SERPINB4: variants seen among roughly 807,000 people sequenced by gnomAD.
SERPINB4 encodes the protein serpin B4.
In SERPINB4, 39 loss-of-function variants were observed where a neutral mutation model predicts 33.2. The ratio of observed to expected loss-of-function variants is 1.18; its 90% CI spans 0.91 to 1.53. SERPINB4 has a LOEUF of 1.53. SERPINB4 is among the 40% of genes most tolerant of loss of function. The pLI is 0.00. For missense variants in SERPINB4, 564 were observed against 455.4 expected, an observed-to-expected ratio of 1.24 and a Z score of -2.17; for synonymous variants, 191 against 166.4, an observed-to-expected ratio of 1.15 and a Z score of -1.14.
rs1913004312 is a variant in SERPINB4, at chr18:63,638,204, A to AT, written c.769-82dup. 2.0e-6 allele frequency: 3 copies of AT among 1,483,780 alleles called. No individual in the cohort carries two copies. The South Asian group carries it at 4.2e-5, about 21-fold the overall frequency. The allele number at this position is 1,483,780 out of a possible 1,614,324, so 91.9% of individuals were successfully genotyped here. A position where few individuals can be genotyped will look rare whatever the true frequency, so the allele number is the denominator to read the frequency against. On this transcript the variant is annotated intron_variant, in intron 7 of 7. Transcript: ENST00000341074. ...TTAACAATGAATTGACTATGTGGAG[A>AT]TTCGTTATTTTGGCAATAAATGTGA...
In SERPINB4 at chr18:63,643,454, G is replaced by A. The variant is rs1262843478; in HGVS notation, c.124C>T (p.Leu42Phe). ...ISITSALGMV[L>F]LGAKDNTAQQ... ...GCAGTGTTGTCTTTGGCTCCTAAGA[G>A]GACCATCCCTAATGCTGATGTGATG... The change falls in exon 2 of 8, where the codon CTC (leucine) becomes TTC (phenylalanine). Residue 42 changes from leucine (L) to phenylalanine (F), a missense_variant. Transcript: ENST00000341074. The A allele has an allele frequency of 1.2e-6, 2 of 1,613,588 alleles. No individual in the cohort carries two copies. The highest frequency in any genetic ancestry group is 1.1e-5 in the South Asian group (1 of 91,070).
rs1430543920 is a variant in SERPINB4, at chr18:63,643,199, C to A, written c.184G>T (p.Val62Phe). Residue 62 changes from valine to phenylalanine, a missense_variant, in exon 3 of 8, where the codon GTC (valine) becomes TTC (phenylalanine). By Grantham distance (50) the Val-to-Phe change is conservative. Coordinates refer to ENST00000341074, the MANE Select transcript of SERPINB4 (RefSeq NM_002974.4). The part of the protein sequence containing the change: ...QISKVLHFDQ[V>F]TENTTEKAAT... ...GCTTTTTCTGTGGTGTTCTCTGTGACTTGATCAAAGTGAAGAACCTGGAAG... is the reference window on the plus strand; with the variant it reads ...GCTTTTTCTGTGGTGTTCTCTGTGAATTGATCAAAGTGAAGAACCTGGAAG... 8.1e-6 allele frequency: 13 copies of A among 1,613,262 alleles called. No homozygotes were observed. The Admixed American group carries it at 2.0e-4, about 25-fold the overall frequency.
chr18:63,642,632 C>T (rs1364122094), intron 3 of SERPINB4, among the ~76,000 whole-genome samples: 1 of 152,006 alleles, frequency 6.6e-6, no homozygotes, highest in East Asian at 1.9e-4. Context: ...AATCATTTTC[C>T]AAAATATACT....
intron 6 of SERPINB4, 55 bp downstream of exon 6, chr18:63,639,579 T>C (rs1913054879): frequency 8.0e-7 from 1 of 1,242,964 alleles, no homozygotes; most frequent in Non-Finnish European, 1.1e-6. Context: ...ATCAGAAATG[T>C]TTAACATTCC....
rs757104006 is a variant in SERPINB4 at position 63,637,677 on chromosome 18, C to A, written c.*42G>T. 1.0e-5 allele frequency: 16 copies of A among 1,552,468 alleles called. No individual in the cohort carries two copies. The highest frequency in any genetic ancestry group is 1.3e-5 in the Non-Finnish European group (15 of 1,149,206). On this transcript the variant is annotated 3_prime_UTR_variant, in exon 8 of 8. Transcript: ENST00000341074. ...CAGCAATCAGTTTACCAGAACACCT[C>A]TAGGTGAACATTTTCTAAATGGAGT...
At position 63,641,871 on chromosome 18, in the gene SERPINB4, A is replaced by G. The variant is rs1568164602; in HGVS notation, c.240T>C (p.Asn80=). ...AATYHVDRSG[N]VHHQFQKLLT... is the part of the protein sequence containing the mutation. ...GAAGCTTTTGAAACTGGTGATGAAC[A>G]TTTCCTGACCTATCAACCTTCAAAC... The change falls in exon 4 of 8, where the codon AAT becomes AAC. Residue 80 remains asparagine (N), a synonymous_variant. Transcript: ENST00000341074. 1.2e-6 allele frequency: 2 copies of G among 1,613,174 alleles called. No individual in the cohort carries two copies. The highest frequency in any genetic ancestry group is 2.7e-5 in the African/African-American group (2 of 74,854).
At chr18:63,643,320 C>G (rs1030859597) in intron 2 of SERPINB4, 93 bp downstream of exon 2, 1 of 1,607,314 alleles carries the variant, frequency 6.2e-7, no homozygotes, top group African/African-American at 1.3e-5. Context: ...CCTGTGCTAC[C>G]CATCAGACCA....
chr18:63,638,540 T>C (rs1913016663), intron 7 of SERPINB4, among the ~76,000 whole-genome samples: 1 of 151,982 alleles, frequency 6.6e-6, no homozygotes, highest in Non-Finnish European at 1.5e-5. Context: ...TTAGTACACA[T>C]TGCAATTATT....
chr18:63,639,332 G>T lies in SERPINB4; in HGVS notation c.621C>A (p.Tyr207Ter). Residue 207 changes from tyrosine (Y) to a stop codon, truncating the protein, a stop_gained, in exon 7 of 8, where the codon TAC becomes TAA. Coordinates refer to ENST00000341074, the MANE Select transcript of SERPINB4 (RefSeq NM_002974.4). LOFTEE classifies it high-confidence loss of function. ...EEKFWPNKNT[Y>*]KSVQMMRQYN... The stretch of plus-strand genomic sequence containing the variant: ...ATTGCCTCATCATCTGTACAGATTT[G>T]TATGTATTCTGCAATAAATCAATGT... The T allele has an allele frequency of 1.2e-6, 2 of 1,603,054 alleles. No homozygotes were observed. Among genetic ancestry groups the T allele is most frequent in the Non-Finnish European group, 1.7e-6 (2 of 1,173,150 alleles).
Position 63,637,569 on chromosome 18 carries a change from T to G in SERPINB4, c.*150A>C. 1.3e-6 allele frequency: 1 copy of G among 778,986 alleles called. No homozygotes were observed. The highest frequency in any genetic ancestry group is 2.0e-6 in the Non-Finnish European group (1 of 495,838). 48.3% of individuals were successfully genotyped at this position (778,986 alleles called of 1,614,324 possible). On this transcript the variant is annotated 3_prime_UTR_variant, in exon 8 of 8. Coordinates refer to ENST00000341074, the MANE Select transcript of SERPINB4 (RefSeq NM_002974.4). ...AGAGAAAGAGAGAAAGGCATGCTAT[T>G]TTAATCATTAAATTCTTGATGATGA...
Position 63,638,014 on chromosome 18 carries a change from T to C in SERPINB4, c.878A>G (p.Tyr293Cys). The change falls in exon 8 of 8, where the codon TAT becomes TGT. Residue 293 changes from tyrosine to cysteine, a missense_variant. By Grantham distance (194) the Tyr-to-Cys change is radical (BLOSUM62 -2). Coordinates refer to ENST00000341074, the MANE Select transcript of SERPINB4 (RefSeq NM_002974.4). ...GGTTCTCAACGTGTCCTTGAGGTCA[T>C]AGCTCTCTTCCATTTTGAACCGAGG... ...HLPRFKMEES[Y>C]DLKDTLRTMG... 4.3e-6 allele frequency: 7 copies of C among 1,613,652 alleles called. No homozygotes were observed. The highest frequency in any genetic ancestry group is 5.1e-6 in the Non-Finnish European group (6 of 1,179,754).
chr18:63,637,988 T>C lies in SERPINB4; in HGVS notation c.904A>G (p.Met302Val), dbSNP rs749636281. 3.1e-6 allele frequency: 5 copies of C among 1,613,670 alleles called. No homozygotes were observed. The South Asian group carries it at 4.4e-5, about 14-fold the overall frequency. ...CCATTGAAGATATTCACCATTCCCATGGTTCTCAACGTGTCCTTGAGGTCA... is the reference window on the plus strand; with the variant it reads ...CCATTGAAGATATTCACCATTCCCACGGTTCTCAACGTGTCCTTGAGGTCA... ...SYDLKDTLRT[M>V]GMVNIFNGDA... Residue 302 changes from methionine (M) to valine (V), a missense_variant, in exon 8 of 8, where the codon ATG (methionine) becomes GTG (valine). Transcript: ENST00000341074.
In SERPINB4 at chr18:63,641,990, T is replaced by A. The variant is rs1486234920; in HGVS notation, c.223-102A>T. 17 of 1,507,460 alleles carry A rather than the reference T, an allele frequency of 1.1e-5. 1 individual carries two copies. Among genetic ancestry groups the A allele is most frequent in the Middle Eastern group, 2.1e-4 (1 of 4,764 alleles). 93.4% of individuals were successfully genotyped at this position (1,507,460 alleles called of 1,614,324 possible). A position where few individuals can be genotyped will look rare whatever the true frequency, so the allele number is the denominator to read the frequency against. The stretch of plus-strand genomic sequence containing the variant: ...CAGTCCCTAAATGCTGGTAGTCTCA[T>A]TGAGGACCTTTGATGTTATTCCCTG... On this transcript the variant is annotated intron_variant, in intron 3 of 7. Transcript: ENST00000341074.
intron 7 of SERPINB4, among the ~76,000 whole-genome samples, chr18:63,638,607 G>T (rs554181090): frequency 9.8e-4 from 149 of 151,664 alleles, no homozygotes; most frequent in Admixed American, 3.5e-3. Flanking sequence ...CGGCCTATTT[G>T]TAAACTTTCC....
At position 63,643,190 on chromosome 18, in the gene SERPINB4, T is replaced by A. The variant is rs147400549; in HGVS notation, c.193A>T (p.Asn65Tyr). 4.7e-3 allele frequency: 7,566 copies of A among 1,613,384 alleles called. 136 individuals are homozygous for A. The highest frequency in any genetic ancestry group is 3.0e-3 in the Non-Finnish European group (3,517 of 1,179,572). ...TATGTTGCAGCTTTTTCTGTGGTGTTCTCTGTGACTTGATCAAAGTGAAGA... is the reference window on the plus strand; with the variant it reads ...TATGTTGCAGCTTTTTCTGTGGTGTACTCTGTGACTTGATCAAAGTGAAGA... Reference protein sequence around the residue: ...KVLHFDQVTENTTEKAATYHV... With the variant: ...KVLHFDQVTEYTTEKAATYHV... Residue 65 changes from asparagine (N) to tyrosine (Y), a missense_variant, in exon 3 of 8, where the codon AAC (asparagine) becomes TAC (tyrosine). Coordinates refer to ENST00000341074, the MANE Select transcript of SERPINB4 (RefSeq NM_002974.4).
chr18:63,640,320 T>C (rs1913083517), intron 5 of SERPINB4, among the ~76,000 whole-genome samples: 1 of 151,834 alleles, frequency 6.6e-6, no homozygotes, highest in South Asian at 2.1e-4. Flanking sequence ...TAATGAGAGG[T>C]GGGAGGTAAG....
chr18:63,643,428 T>G lies in SERPINB4; in HGVS notation c.150A>C (p.Ala50=). 1 of 1,613,698 alleles carries G rather than the reference T, an allele frequency of 6.2e-7. No individual in the cohort carries two copies. The highest frequency in any genetic ancestry group is 8.5e-7 in the Non-Finnish European group (1 of 1,179,704). The change falls in exon 2 of 8, where the codon GCA becomes GCC. Residue 50 remains alanine (A), a synonymous_variant. Coordinates refer to ENST00000341074, the MANE Select transcript of SERPINB4 (RefSeq NM_002974.4). ...TGATAGCTACCTTGCTAATTTGTTG[T>G]GCAGTGTTGTCTTTGGCTCCTAAGA... ...MVLLGAKDNT[A]QQISKVLHFD...
At chr18:63,639,569 A>G (rs1407479325) in intron 6 of SERPINB4, 65 bp downstream of exon 6, 22 of 1,178,098 alleles carry the variant, frequency 1.9e-5, no homozygotes, top group Non-Finnish European at 2.7e-5. Context: ...GTTACATTCC[A>G]TCAGAAATGT....
Position 63,643,433 on chromosome 18 carries a change from T to C in SERPINB4, c.145A>G (p.Thr49Ala). 1 of 1,613,640 alleles carries C rather than the reference T, an allele frequency of 6.2e-7. No individual in the cohort carries two copies. Among genetic ancestry groups the C allele is most frequent in the Non-Finnish European group, 8.5e-7 (1 of 1,179,702 alleles). ...GCTACCTTGCTAATTTGTTGTGCAG[T>C]GTTGTCTTTGGCTCCTAAGAGGACC... Reference protein sequence around the residue: ...GMVLLGAKDNTAQQISKVLHF... With the variant: ...GMVLLGAKDNAAQQISKVLHF... Residue 49 changes from threonine (T) to alanine (A), a missense_variant, in exon 2 of 8, where the codon ACT becomes GCT. By Grantham distance (58) the Thr-to-Ala change is moderately conservative (BLOSUM62 0). Coordinates refer to ENST00000341074, the MANE Select transcript of SERPINB4 (RefSeq NM_002974.4).
Sources: gnomAD v4.1 joint callset for allele counts (sites outside exome capture counted in the v4.1 genomes callset) on GRCh38, gnomAD v4.1.1 for gene constraint, MANE v1.5 for transcripts, NCBI Gene and HGNC (gene_info 2026-07-23, HGNC 2026-07-21) for gene names.